The following GGH variants were observed in gnomAD, a reference collection of about 807,000 sequenced individuals.
GGH encodes gamma-Glu-X carboxypeptidase.
In GGH, 18 loss-of-function variants were observed where a neutral mutation model predicts 39.2. The observed-to-expected ratio is 0.46, with a 90% confidence interval of 0.32 to 0.68. The LOEUF (loss-of-function observed/expected upper bound fraction) is 0.68. GGH is among the 30% of genes least tolerant of loss of function. The probability of loss-of-function intolerance (pLI) is 0.04; values close to 1 mark genes in which losing one functional copy is unlikely to be tolerated. For missense variants in GGH, 367 were observed against 384.1 expected (o/e 0.96, Z 0.37); for synonymous variants, 147 against 138.8 (o/e 1.06, Z -0.42).
intron 3 of GGH, among the ~76,000 whole-genome samples, chr8:63,027,771 G>A (rs1022558486): frequency 8.6e-5 from 13 of 151,964 alleles, no homozygotes; most frequent in East Asian, 3.8e-4. Flanking sequence ...TTATCACCCC[G>A]AGTCTCTTCA....
intron 2 of GGH, among the ~76,000 whole-genome samples, chr8:63,031,126 C>A (rs1038660805): frequency 6.6e-6 from 1 of 152,180 alleles, no homozygotes. Context: ...GTCAACTAGT[C>A]CATTTCTGCC....
intron 3 of GGH, 101 bp from the exon 4 acceptor site, chr8:63,027,366 T>C: frequency 1.6e-6 from 1 of 625,926 alleles, no homozygotes; most frequent in East Asian, 2.9e-5. Flanking sequence ...TTTTTCTTAT[T>C]ACATATGCAA....
In GGH at chr8:63,026,412, A is replaced by G. The variant is rs186178254; in HGVS notation, c.361-116T>C. ...TGAGTTACACATGGATTTCTGAAGA[A>G]TTCTCCAGGATCCATAAGTAGGCTA... On this transcript the variant is annotated intron_variant, in intron 4 of 8. Transcript: ENST00000260118. The G allele has an allele frequency of 2.8e-4, 204 of 739,266 alleles. No homozygotes were observed. The Middle Eastern group carries it at 4.9e-3, about 18-fold the overall frequency. The allele number at this position is 739,266 out of a possible 1,614,324, so 45.8% of individuals were successfully genotyped here. A position where few individuals can be genotyped will look rare whatever the true frequency, so the allele number is the denominator to read the frequency against.
intron 8 of GGH, among the ~76,000 whole-genome samples, chr8:63,015,831 TCAAA>T: frequency 1.0e-5 from 1 of 96,546 alleles, no homozygotes; most frequent in African/African-American, 3.6e-5. Context: ...TACCTACCTA[TCAAA>T]TACACAAGAC....
intron 2 of GGH, among the ~76,000 whole-genome samples, chr8:63,034,733 AC>A (rs1165462329): frequency 6.6e-6 from 1 of 152,200 alleles, no homozygotes; most frequent in Non-Finnish European, 1.5e-5. Context: ...CACTGAAGCA[AC>A]CCTAATGCAC....
rs768824343 is a variant in GGH at position 63,038,745 on chromosome 8, C to T, written c.24G>A (p.Leu8=). Residue 8 remains leucine, a synonymous_variant, in exon 1 of 9, where the codon CTG becomes CTA. Transcript: ENST00000260118. MASPGCL[L]CVLGLLLCGA... ...CGCAGAGTAGCAGGCCCAGCACGCA[C>T]AGCAGGCAGCCCGGACTGGCCATGG... 5 of 1,578,064 alleles carry T rather than the reference C, an allele frequency of 3.2e-6. No homozygotes were observed. In the South Asian group the frequency reaches 5.8e-5, roughly 18 times the overall value.
chr8:63,016,701 C>G (rs897531599), intron 8 of GGH, among the ~76,000 whole-genome samples: 1 of 152,206 alleles, frequency 6.6e-6, no homozygotes, highest in African/African-American at 2.4e-5. Flanking sequence ...ACCTGCTACA[C>G]ACAGTTCTGC....
intron 7 of GGH, among the ~76,000 whole-genome samples, chr8:63,019,559 C>T (rs569813827): frequency 3.3e-5 from 5 of 152,250 alleles, no homozygotes; most frequent in African/African-American, 1.2e-4. Context: ...TGGAAGTGGT[C>T]CAGTCAAAGC....
intron 3 of GGH, 104 bp from the exon 4 acceptor site, chr8:63,027,369 A>C (rs901086853): frequency 3.2e-6 from 2 of 619,116 alleles, no homozygotes; most frequent in Non-Finnish European, 5.7e-6. Flanking sequence ...TTCTTATTAC[A>C]TATGCAATAA....
intron 1 of GGH, among the ~76,000 whole-genome samples, chr8:63,037,059 T>C (rs2083075737): frequency 6.6e-6 from 1 of 152,192 alleles, no homozygotes; most frequent in African/African-American, 2.4e-5. Flanking sequence ...CACTTCAGCA[T>C]TTGGAACACT....
chr8:63,026,117 C>G (rs1231516433), intron 5 of GGH, 41 bp downstream of exon 5: 1 of 1,492,450 alleles, frequency 6.7e-7, no homozygotes. Flanking sequence ...CTAATCCTGC[C>G]CAGCAAATAT....
chr8:63,038,577 C>T, intron 1 of GGH, 83 bp downstream of exon 1: 1 of 693,194 alleles, frequency 1.4e-6, no homozygotes, highest in Non-Finnish European at 2.2e-6. Flanking sequence ...CGGGACGCGC[C>T]AGCTGGAGCG....
At chr8:63,035,932 G>A (rs1043617352) in intron 1 of GGH, among the ~76,000 whole-genome samples, 162 bp from the exon 2 acceptor site, 1 of 152,136 alleles carries the variant, frequency 6.6e-6, no homozygotes, top group Non-Finnish European at 1.5e-5. Context: ...GAAAGCAGCA[G>A]GGGAGGCTGA....
rs567344356 is a variant in GGH at position 63,030,084 on chromosome 8, A to G, written c.275+83T>C. ...CTAAGACAGTTACATAGAAACATGT[A>G]TAATATTTATATGATTTCTTTTACA... On this transcript the variant is annotated intron_variant, in intron 3 of 8. Transcript: ENST00000260118. The G allele has an allele frequency of 4.4e-6, 3 of 689,526 alleles. No homozygotes were observed. The South Asian group carries it at 5.7e-5, about 13-fold the overall frequency. 42.7% of individuals were successfully genotyped at this position (689,526 alleles called of 1,614,324 possible).
chr8:63,023,880 T>A, intron 7 of GGH, 27 bp downstream of exon 7: 1 of 1,344,216 alleles, frequency 7.4e-7, no homozygotes, highest in Non-Finnish European at 9.9e-7. Flanking sequence ...ATAAGTGAAA[T>A]AAAGTATACA....
In GGH at chr8:63,027,244, A is replaced by C; in HGVS notation, c.297T>G (p.Ser99Arg). 6.3e-7 allele frequency: 1 copy of C among 1,596,938 alleles called. No individual in the cohort carries two copies. The highest frequency in any genetic ancestry group is 8.6e-7 in the Non-Finnish European group (1 of 1,164,570). ...CATAATCTGAGCGTCTGAGGTCAAC[A>C]CTTCCTCCAGGGAAAAGGATTCTGA... Reference protein sequence around the residue: ...SINGILFPGGSVDLRRSDYAK... With the variant: ...SINGILFPGGRVDLRRSDYAK... Residue 99 changes from serine to arginine, a missense_variant, in exon 4 of 9, where the codon AGT becomes AGG. Physicochemically the swap from Ser to Arg is moderately radical, Grantham distance 110. Transcript: ENST00000260118.
chr8:63,027,757 ATTC>A (rs1804721036), intron 3 of GGH, among the ~76,000 whole-genome samples: 1 of 152,210 alleles, frequency 6.6e-6, no homozygotes, highest in Non-Finnish European at 1.5e-5. Context: ...CAAGAATTTA[ATTC>A]TTATCACCCC....
chr8:63,031,226 A>G lies in GGH; in HGVS notation c.225-1009T>C, dbSNP rs377374215. On this transcript the variant is annotated intron_variant, in intron 2 of 8. Transcript: ENST00000260118. The stretch of plus-strand genomic sequence containing the variant: ...TCCAGAACACAGGCTGTGTTTTGCC[A>G]GCAAACAACTCTGGGATCTACTCTA... Among the ~76,000 whole-genome samples, 24 of 152,310 alleles carry G rather than the reference A, an allele frequency of 1.6e-4. No homozygotes were observed. In the East Asian group the frequency reaches 3.3e-3, roughly 21 times the overall value.
chr8:63,015,979 C>T (rs1804481668), intron 8 of GGH, among the ~76,000 whole-genome samples: 1 of 151,998 alleles, frequency 6.6e-6, no homozygotes, highest in Non-Finnish European at 1.5e-5. Flanking sequence ...CTGGATGCTA[C>T]AAGAGTAAAA....
Sources: allele counts gnomAD v4.1 joint callset (sites outside exome capture counted in the v4.1 genomes callset), GRCh38; gene constraint gnomAD v4.1.1; transcripts MANE v1.5; gene names NCBI Gene and HGNC (gene_info 2026-07-23, HGNC 2026-07-21).